The following KIF6 variants were observed in gnomAD, a reference collection of about 807,000 sequenced individuals.
The protein encoded by KIF6 is kinesin-like protein KIF6.
KIF6 carries 106 observed loss-of-function variants against 112.7 expected under a neutral mutation model. That is an observed-to-expected ratio of 0.94 (90% confidence interval 0.80 to 1.11). The LOEUF is 1.11. Ranked by LOEUF, KIF6 falls within the 50% of genes least tolerant of loss-of-function variation. The pLI is 0.00. For missense variants in KIF6, 929 were observed against 964.0 expected, an observed-to-expected ratio of 0.96 and a Z score of 0.48; for synonymous variants, 339 against 339.9, an observed-to-expected ratio of 1.00 and a Z score of 0.03.
At chr6:39,599,172 A>C (rs1782445900) in intron 6 of KIF6, among the ~76,000 whole-genome samples, 1 of 152,214 alleles carries the variant, frequency 6.6e-6, no homozygotes, top group Non-Finnish European at 1.5e-5. Context: ...AAAGAAATTA[A>C]TCTGATTCAA....
At chr6:39,615,158 G>A (rs1371760643) in intron 5 of KIF6, among the ~76,000 whole-genome samples, 1 of 151,036 alleles carries the variant, frequency 6.6e-6, no homozygotes, top group Non-Finnish European at 1.5e-5. Flanking sequence ...GGGAGACGGA[G>A]CGAGGCCTTT....
At chr6:39,695,024 A>G (rs1788441375) in intron 3 of KIF6, among the ~76,000 whole-genome samples, 1 of 152,180 alleles carries the variant, frequency 6.6e-6, no homozygotes, top group Non-Finnish European at 1.5e-5. Flanking sequence ...GCACATCTAC[A>G]ACCAACTGAT....
chr6:39,523,265 G>A (rs531117906), intron 13 of KIF6, among the ~76,000 whole-genome samples: 1 of 152,048 alleles, frequency 6.6e-6, no homozygotes, highest in East Asian at 1.9e-4. Flanking sequence ...TAATTACGTA[G>A]CTTGACTGCT....
chr6:39,667,018 G>A (rs921963395), intron 3 of KIF6, among the ~76,000 whole-genome samples: 3 of 151,962 alleles, frequency 2.0e-5, no homozygotes, highest in African/African-American at 4.8e-5. Context: ...CTTTTTGCAC[G>A]GGAACAGTTT....
chr6:39,407,736 G>A (rs894140219), intron 15 of KIF6, among the ~76,000 whole-genome samples: 4 of 152,128 alleles, frequency 2.6e-5, no homozygotes, highest in African/African-American at 9.7e-5. Flanking sequence ...CTGTATGCAG[G>A]AGTCATTTAT....
chr6:39,411,825 T>C (rs576000922), intron 15 of KIF6, among the ~76,000 whole-genome samples: 2 of 152,372 alleles, frequency 1.3e-5, no homozygotes, highest in South Asian at 2.1e-4. Flanking sequence ...AGAGGCTCAC[T>C]TATCAGCCTT....
intron 16 of KIF6, among the ~76,000 whole-genome samples, chr6:39,379,512 T>C (rs762582725): frequency 6.6e-6 from 1 of 152,102 alleles, no homozygotes; most frequent in Non-Finnish European, 1.5e-5. Flanking sequence ...AAATAAATAA[T>C]TACAAAATAG....
intron 2 of KIF6, among the ~76,000 whole-genome samples, chr6:39,719,183 G>A (rs571935852): frequency 6.6e-6 from 1 of 152,274 alleles, no homozygotes; most frequent in East Asian, 1.9e-4. Context: ...GCTGGGCATG[G>A]TAGCAGGTGC....
chr6:39,434,588 A>C (rs528397430), intron 13 of KIF6, among the ~76,000 whole-genome samples: 71 of 151,042 alleles, frequency 4.7e-4, no homozygotes, highest in African/African-American at 1.4e-3. Context: ...AACAAAACAA[A>C]AAAACAAAAC....
chr6:39,655,961 C>T (rs1785757040), intron 3 of KIF6, among the ~76,000 whole-genome samples: 1 of 152,112 alleles, frequency 6.6e-6, no homozygotes, highest in South Asian at 2.1e-4. Flanking sequence ...TCAGTTGCTC[C>T]TAATTTATTT....
chr6:39,434,569 T>TCAAAA (rs148687472), intron 13 of KIF6, among the ~76,000 whole-genome samples: 5 of 135,474 alleles, frequency 3.7e-5, no homozygotes, highest in South Asian at 2.6e-4. Flanking sequence ...CGACTCCATC[T>TCAAAA]CAAAACAAAA....
chr6:39,456,882 T>G (rs1248889808), intron 13 of KIF6, among the ~76,000 whole-genome samples: 2 of 150,972 alleles, frequency 1.3e-5, no homozygotes, highest in Non-Finnish European at 2.9e-5. Flanking sequence ...AAGTCCTGAG[T>G]GACCTACAAA....
chr6:39,446,477 A>AAATTGTTT (rs1772322815), intron 13 of KIF6, among the ~76,000 whole-genome samples: 1 of 152,016 alleles, frequency 6.6e-6, no homozygotes, highest in African/African-American at 2.4e-5. Flanking sequence ...ATCTCCAGTG[A>AAATTGTTT]AATTGTTTTC....
chr6:39,590,451 A>ATATATATATATATTTT (rs1338373703), intron 7 of KIF6, among the ~76,000 whole-genome samples: 1 of 84,778 alleles, frequency 1.2e-5, no homozygotes, highest in African/African-American at 5.1e-5. Context: ...ATATATATAT[A>ATATATATATATATTTT]TTTTTTTTTT....
chr6:39,355,263 T>C (rs1401809259), intron 19 of KIF6, among the ~76,000 whole-genome samples: 1 of 152,084 alleles, frequency 6.6e-6, no homozygotes, highest in East Asian at 1.9e-4. Context: ...TTTATATATA[T>C]ACACATATAT....
intron 13 of KIF6, among the ~76,000 whole-genome samples, chr6:39,510,083 T>C (rs1028130531): frequency 1.4e-5 from 2 of 141,940 alleles, no homozygotes; most frequent in Non-Finnish European, 3.0e-5. Flanking sequence ...TATTCAACAT[T>C]CTTTTCTTTT....
chr6:39,515,729 C>A (rs1777050127), intron 13 of KIF6, among the ~76,000 whole-genome samples: 1 of 152,160 alleles, frequency 6.6e-6, no homozygotes, highest in South Asian at 2.1e-4. Flanking sequence ...GCCAGGGGTC[C>A]CTTTCCCCTG....
At chr6:39,349,282 C>G (rs996511409) in intron 19 of KIF6, among the ~76,000 whole-genome samples, 3 of 152,028 alleles carry the variant, frequency 2.0e-5, no homozygotes, top group African/African-American at 7.3e-5. Flanking sequence ...GCAGACAGTC[C>G]CTGGAGGCCT....
intron 5 of KIF6, among the ~76,000 whole-genome samples, chr6:39,630,877 T>C (rs1298351504): frequency 6.6e-6 from 1 of 152,054 alleles, no homozygotes; most frequent in African/African-American, 2.4e-5. Context: ...GTATTTATCA[T>C]GAGAAGCTGT....
Sources: gnomAD v4.1 joint callset for allele counts (sites outside exome capture counted in the v4.1 genomes callset) on GRCh38, gnomAD v4.1.1 for gene constraint, MANE v1.5 for transcripts, NCBI Gene and HGNC (gene_info 2026-07-23, HGNC 2026-07-21) for gene names.